Variants in ACAA2 observed in about 807,000 individuals in gnomAD.
ACAA2 encodes 3-ketoacyl-CoA thiolase, mitochondrial.
A neutral mutation model predicts 44.8 loss-of-function variants in ACAA2; 35 were observed. The observed-to-expected ratio is 0.78, with a 90% CI of 0.60 to 1.04. ACAA2 has a LOEUF of 1.04. Ranked by LOEUF, ACAA2 falls within the 50% of genes least tolerant of loss-of-function variation. ACAA2 has a pLI of 0.00. For missense variants in ACAA2, 468 were observed against 482.6 expected, an observed-to-expected ratio of 0.97 and a Z score of 0.28; for synonymous variants, 142 against 166.5, an observed-to-expected ratio of 0.85 and a Z score of 1.13.
chr18:49,785,506 C>G, intron 8 of ACAA2, 155 bp from the exon 9 acceptor site: 2 of 722,994 alleles, frequency 2.8e-6, no homozygotes, highest in Non-Finnish European at 4.5e-6. Context: ...CTGCATAAAG[C>G]TATCAGGTTT....
chr18:49,782,894 A>C lies in ACAA2; in HGVS notation c.*953T>G, dbSNP rs1476747605. 6.6e-6 allele frequency: 1 copy of C among 152,186 alleles called. No individual in the cohort carries two copies. Among genetic ancestry groups the C allele is most frequent in the Non-Finnish European group, 1.5e-5 (1 of 68,042 alleles). 9.4% of individuals were successfully genotyped at this position (152,186 alleles called of 1,614,324 possible). A position where few individuals can be genotyped will look rare whatever the true frequency, so the allele number is the denominator to read the frequency against. Reference sequence around the variant, plus strand: ...CCCCCAATAAATGTATAACCCATAAATTCAATTTAATCTTAATTAAAATTT... The same window carrying C: ...CCCCCAATAAATGTATAACCCATAACTTCAATTTAATCTTAATTAAAATTT... On this transcript the variant is annotated 3_prime_UTR_variant, in exon 10 of 10. Coordinates refer to ENST00000285093, the MANE Select transcript of ACAA2 (RefSeq NM_006111.3).
chr18:49,797,351 G>C (rs910782383), intron 3 of ACAA2, 115 bp downstream of exon 3: 1 of 807,668 alleles, frequency 1.2e-6, no homozygotes, highest in African/African-American at 1.9e-5. Flanking sequence ...TGGTTTACTT[G>C]ACCTCCAGGG....
intron 1 of ACAA2, among the ~76,000 whole-genome samples, chr18:49,806,562 C>A (rs1165281046): frequency 6.6e-6 from 1 of 152,174 alleles, no homozygotes; most frequent in East Asian, 1.9e-4. Flanking sequence ...ATAACAGAAT[C>A]CAGTCTCCAC....
chr18:49,800,240 C>T (rs865909247), intron 2 of ACAA2, among the ~76,000 whole-genome samples: 37 of 146,016 alleles, frequency 2.5e-4, no homozygotes, highest in African/African-American at 7.9e-4. Flanking sequence ...GCCCCCCGCC[C>T]GGCCAGCCGC....
intron 7 of ACAA2, among the ~76,000 whole-genome samples, chr18:49,787,948 G>A (rs550284453): frequency 7.3e-4 from 111 of 152,300 alleles, no homozygotes; most frequent in African/African-American, 2.6e-3. Flanking sequence ...AGAAATAGCA[G>A]TATCTCCACA....
At chr18:49,810,974 GTTTT>G (rs111343132) in intron 1 of ACAA2, among the ~76,000 whole-genome samples, 2 of 53,346 alleles carry the variant, frequency 3.7e-5, no homozygotes, top group Non-Finnish European at 9.1e-5. Flanking sequence ...AAGGTTTAAA[GTTTT>G]TTTTTTTTAA....
intron 9 of ACAA2, 130 bp downstream of exon 9, chr18:49,785,067 G>T: frequency 1.8e-6 from 2 of 1,124,884 alleles, no homozygotes; most frequent in Non-Finnish European, 2.5e-6. Context: ...CAAGTAACTT[G>T]TTCCTGGTAA....
At chr18:49,803,297 A>T (rs1192221205) in intron 1 of ACAA2, among the ~76,000 whole-genome samples, 2 of 147,140 alleles carry the variant, frequency 1.4e-5, no homozygotes, top group Non-Finnish European at 3.0e-5. Flanking sequence ...TCCCTGACCT[A>T]AACTACTTGT....
chr18:49,786,224 G>GC (rs1310567329), intron 8 of ACAA2: 1 of 152,118 alleles, frequency 6.6e-6, no homozygotes, highest in Non-Finnish European at 1.5e-5. Flanking sequence ...TATATACAGA[G>GC]CCATCTTCAA....
At chr18:49,792,389 CATATT>C in intron 5 of ACAA2, 62 bp from the exon 6 acceptor site, 1 of 1,364,948 alleles carries the variant, frequency 7.3e-7, no homozygotes, top group Non-Finnish European at 1.0e-6. Context: ...ATAAATCAAA[CATATT>C]ATTCAATTTA....
intron 4 of ACAA2, among the ~76,000 whole-genome samples, chr18:49,795,330 T>A (rs1344365526): frequency 6.6e-6 from 1 of 152,236 alleles, no homozygotes; most frequent in African/African-American, 2.4e-5. Context: ...AAAGATGTTT[T>A]CTGTGATGAT....
Position 49,794,314 on chromosome 18 carries a change from T to C in ACAA2, c.543A>G (p.Lys181=), listed in dbSNP as rs751218627. ...ATCTCTGCTGTGACTGCAGGGCATATTTGTCACATTCTTCTCTGCTTATTT... is the reference window on the plus strand; with the variant it reads ...ATCTCTGCTGTGACTGCAGGGCATACTTGTCACATTCTTCTCTGCTTATTT... The part of the protein sequence containing the change: ...KHKISREECD[K]YALQSQQRWK... Residue 181 remains lysine (K), a synonymous_variant, in exon 5 of 10, where the codon AAA becomes AAG. Coordinates refer to ENST00000285093, the MANE Select transcript of ACAA2 (RefSeq NM_006111.3). The C allele has an allele frequency of 1.2e-6, 2 of 1,609,562 alleles. No homozygotes were observed. The highest frequency in any genetic ancestry group is 2.7e-5 in the African/African-American group (2 of 74,806).
chr18:49,806,412 C>A (rs1019221793), intron 1 of ACAA2, among the ~76,000 whole-genome samples: 6 of 152,156 alleles, frequency 3.9e-5, no homozygotes, highest in African/African-American at 1.4e-4. Context: ...AAAAACTGAA[C>A]TTAGATTTAA....
Position 49,794,269 on chromosome 18 carries a change from GT to G in ACAA2, c.577+10del. The G allele has an allele frequency of 6.3e-7, 1 of 1,590,352 alleles. No homozygotes were observed. The highest frequency in any genetic ancestry group is 8.5e-7 in the Non-Finnish European group (1 of 1,173,040). ...ATTCTATAGATACTGATACTTTCCAGTTTCACTCACCAGCTTTCCATCTCTG... is the reference window on the plus strand; with the variant it reads ...ATTCTATAGATACTGATACTTTCCAGTTCACTCACCAGCTTTCCATCTCTG... On this transcript the variant is annotated intron_variant, in intron 5 of 9. Coordinates refer to ENST00000285093, the MANE Select transcript of ACAA2 (RefSeq NM_006111.3).
At chr18:49,798,758 G>A (rs2023494073) in intron 2 of ACAA2, among the ~76,000 whole-genome samples, 1 of 152,102 alleles carries the variant, frequency 6.6e-6, no homozygotes, top group South Asian at 2.1e-4. Context: ...TTCATCTGTT[G>A]ACTGAGATGA....
rs541273458 is a variant in ACAA2 at position 49,790,098 on chromosome 18, A to G, written c.883+1372T>C. On this transcript the variant is annotated intron_variant, in intron 7 of 9. Transcript: ENST00000285093. ...CCTAGATATCAAAATAATAAATGCC[A>G]TAACAACATACGGATGTTTAATTTT... Among the ~76,000 whole-genome samples the G allele has an allele frequency of 5.1e-4, 77 of 152,374 alleles. No homozygotes were observed. In the Middle Eastern group the frequency reaches 0.02, roughly 40 times the overall value.
chr18:49,807,761 G>A (rs1046141051), intron 1 of ACAA2, among the ~76,000 whole-genome samples: 2 of 151,672 alleles, frequency 1.3e-5, no homozygotes, highest in Admixed American at 1.3e-4. Context: ...GAGCCCAGGA[G>A]GTCAAGGCTA....
Position 49,799,862 on chromosome 18 carries a change from C to T in ACAA2, c.184-2268G>A, listed in dbSNP as rs1486301967. On this transcript the variant is annotated intron_variant, in intron 2 of 9. Transcript: ENST00000285093. ...CTGGGATGTGGGGAGCGCCTCTGCCCGGCCGCGACCCCATCTGGGAGGTGA... is the reference window on the plus strand; with the variant it reads ...CTGGGATGTGGGGAGCGCCTCTGCCTGGCCGCGACCCCATCTGGGAGGTGA... 2.2e-5 allele frequency among the ~76,000 whole-genome samples: 3 copies of T among 138,470 alleles called. 1 individual carries two copies. Among genetic ancestry groups the T allele is most frequent in the East Asian group, 2.3e-4 (1 of 4,400 alleles). The allele number at this position is 138,470 out of a possible 152,430, so 90.8% of individuals were successfully genotyped here.
chr18:49,803,969 G>A (rs1391722671), intron 1 of ACAA2, among the ~76,000 whole-genome samples: 2 of 150,892 alleles, frequency 1.3e-5, no homozygotes, highest in African/African-American at 4.9e-5. Flanking sequence ...GGAGCGCAGT[G>A]GCGCGATTTC....
Sources: allele counts gnomAD v4.1 joint callset (sites outside exome capture counted in the v4.1 genomes callset), GRCh38; gene constraint gnomAD v4.1.1; transcripts MANE v1.5; gene names NCBI Gene and HGNC (gene_info 2026-07-23, HGNC 2026-07-21).